The following PHF24 variants were observed in gnomAD, a reference collection of about 807,000 sequenced individuals.
PHF24 encodes the protein PHD finger protein 24, also known as Galpha inhibitory interacting protein.
Under a neutral mutation model 42.6 loss-of-function variants are expected in PHF24, and 25 were observed. That is an observed-to-expected ratio of 0.59 (90% CI 0.43 to 0.82). PHF24 has a LOEUF of 0.82. Among genes scored for constraint, PHF24 ranks in the 40% least tolerant of loss-of-function variants. The pLI is 0.00. For synonymous variants in PHF24, 185 were observed against 204.8 expected, an observed-to-expected ratio of 0.90 and a Z score of 0.83; for missense variants, 470 against 538.1, an observed-to-expected ratio of 0.87 and a Z score of 1.25.
the PHF24 span, among the ~76,000 whole-genome samples, chr9:34,683,454 G>A: frequency 6.6e-6 from 1 of 152,198 alleles, no homozygotes; most frequent in Non-Finnish European, 1.5e-5. Context: ...GTGGTAAGGG[G>A]AGAGCCCATC....
chr9:34,833,484 A>G, the PHF24 span: 2 of 1,550,808 alleles, frequency 1.3e-6, no homozygotes, highest in South Asian at 1.2e-5. Flanking sequence ...TCCTGGAGCA[A>G]TGTCTCCCCT....
rs1344571864 is a variant in PHF24 at position 34,958,400 on chromosome 9, C to G, written c.-6C>G. 6.6e-6 allele frequency: 1 copy of G among 152,200 alleles called. No homozygotes were observed. The highest frequency in any genetic ancestry group is 1.5e-5 in the Non-Finnish European group (1 of 68,054). 9.4% of individuals were successfully genotyped at this position (152,200 alleles called of 1,614,324 possible). A position where few individuals can be genotyped will look rare whatever the true frequency, so the allele number is the denominator to read the frequency against. Reference sequence around the variant, plus strand: ...GCCGCGTCCCGCACCCGGACGGTCCCGGTAAGCGGGGGCGGGGGCGGCGGG... The same window carrying G: ...GCCGCGTCCCGCACCCGGACGGTCCGGGTAAGCGGGGGCGGGGGCGGCGGG... On this transcript the variant is annotated splice_region_variant and 5_prime_UTR_variant, in exon 1 of 8. Coordinates refer to ENST00000242315, the Ensembl canonical transcript of PHF24. The surrounding 1 kb of genome is among the most constrained non-coding windows in gnomAD (Gnocchi z 4.5).
At chr9:34,881,041 T>C in the PHF24 span, among the ~76,000 whole-genome samples, 9 of 152,036 alleles carry the variant, frequency 5.9e-5, no homozygotes, top group Admixed American at 1.3e-4. Flanking sequence ...AAGTAGAACT[T>C]AGGATTAAGA....
the PHF24 span, among the ~76,000 whole-genome samples, chr9:34,900,320 C>T: frequency 1.3e-5 from 2 of 152,126 alleles, no homozygotes; most frequent in Non-Finnish European, 2.9e-5. Flanking sequence ...ATGTGAAGGC[C>T]AAGCACAGTG....
chr9:34,812,319 T>C, the PHF24 span, among the ~76,000 whole-genome samples: 4 of 152,192 alleles, frequency 2.6e-5, no homozygotes, highest in Non-Finnish European at 5.9e-5. Context: ...GTGGAGAAAT[T>C]GGAACCCTGG....
the PHF24 span, among the ~76,000 whole-genome samples, chr9:34,796,417 A>AC: frequency 9.6e-6 from 1 of 104,356 alleles, no homozygotes; most frequent in South Asian, 2.7e-4. Flanking sequence ...CATTGTTAAA[A>AC]AATTTAAAAA....
At chr9:34,957,464 G>T (rs1259660728), upstream of PHF24, 1 of 152,190 alleles carries the variant, frequency 6.6e-6, no homozygotes, top group Non-Finnish European at 1.5e-5. Context: ...ATGTAGTTTG[G>T]TGTAATGCAC....
the PHF24 span, among the ~76,000 whole-genome samples, chr9:34,910,095 C>T: frequency 6.6e-6 from 1 of 152,204 alleles, no homozygotes; most frequent in East Asian, 1.9e-4. Flanking sequence ...GCTACTGTTT[C>T]AACCAGCCAT....
chr9:34,792,303 T>G, the PHF24 span, among the ~76,000 whole-genome samples: 2 of 152,184 alleles, frequency 1.3e-5, no homozygotes, highest in African/African-American at 2.4e-5. Context: ...TACCACTACA[T>G]GGAGGCAGAC....
the PHF24 span, among the ~76,000 whole-genome samples, chr9:34,822,101 A>AT: frequency 6.6e-6 from 1 of 151,754 alleles, no homozygotes; most frequent in Non-Finnish European, 1.5e-5. Flanking sequence ...TTTTATGTCT[A>AT]TTTTTTCTAA....
chr9:34,889,995 C>G, the PHF24 span, among the ~76,000 whole-genome samples: 1 of 152,114 alleles, frequency 6.6e-6, no homozygotes, highest in Admixed American at 6.5e-5. Context: ...GGAGGATGCT[C>G]TTGGAACTCA....
chr9:34,935,450 C>T, the PHF24 span, among the ~76,000 whole-genome samples: 1 of 151,996 alleles, frequency 6.6e-6, no homozygotes, highest in Non-Finnish European at 1.5e-5. Flanking sequence ...AAAAATTAGC[C>T]GGGCATGGTA....
chr9:34,708,672 G>A, the PHF24 span, among the ~76,000 whole-genome samples: 1 of 152,220 alleles, frequency 6.6e-6, no homozygotes, highest in South Asian at 2.1e-4. Context: ...GATATCTGGG[G>A]AAAGGTCTGA....
chr9:34,815,801 T>C, the PHF24 span, among the ~76,000 whole-genome samples: 3 of 152,352 alleles, frequency 2.0e-5, no homozygotes, highest in East Asian at 5.8e-4. Context: ...ATTTGAAGAC[T>C]TCCAGGACTA....
the PHF24 span, among the ~76,000 whole-genome samples, chr9:34,810,313 C>G: frequency 6.6e-6 from 1 of 152,158 alleles, no homozygotes; most frequent in Non-Finnish European, 1.5e-5. Flanking sequence ...ACAGCTGCCT[C>G]TATTGGGGGG....
At chr9:34,706,675 A>C in the PHF24 span, among the ~76,000 whole-genome samples, 1 of 152,238 alleles carries the variant, frequency 6.6e-6, no homozygotes, top group African/African-American at 2.4e-5. Context: ...CCAGGCATGC[A>C]GGTGTGGCAG....
At chr9:34,735,445 GC>G in the PHF24 span, among the ~76,000 whole-genome samples, 1 of 151,104 alleles carries the variant, frequency 6.6e-6, no homozygotes, top group East Asian at 2.0e-4. Flanking sequence ...CAGATATCCA[GC>G]TTTCAACAAA....
At chr9:34,830,215 AG>A in the PHF24 span, among the ~76,000 whole-genome samples, 1 of 152,246 alleles carries the variant, frequency 6.6e-6, no homozygotes, top group Non-Finnish European at 1.5e-5. Context: ...TTCTCCCCAC[AG>A]GGTCAGGCAT....
At chr9:34,795,513 G>A in the PHF24 span, among the ~76,000 whole-genome samples, 1 of 152,098 alleles carries the variant, frequency 6.6e-6, no homozygotes, top group Non-Finnish European at 1.5e-5. Context: ...CATTAGGAAT[G>A]AAGAAAAAAC....
Sources: allele counts gnomAD v4.1 joint callset (sites outside exome capture counted in the v4.1 genomes callset), GRCh38; gene constraint gnomAD v4.1.1; non-coding constraint Gnocchi (gnomAD v3.1); transcripts MANE v1.5; gene names NCBI Gene and HGNC (gene_info 2026-07-23, HGNC 2026-07-21).